Variants in LAMA2 observed in about 807,000 individuals in gnomAD.
LAMA2 encodes laminin subunit alpha-2.
A neutral mutation model predicts 364.8 loss-of-function variants in LAMA2; 269 were observed. The observed-to-expected ratio is 0.74, with a 90% CI of 0.67 to 0.82. The LOEUF (loss-of-function observed/expected upper bound fraction) is 0.82, where lower values mean the gene tolerates loss of function less well. Ranked by LOEUF, LAMA2 falls within the 40% of genes least tolerant of loss-of-function variation. The probability of loss-of-function intolerance (pLI) is 0.00; values close to 1 mark genes in which losing one functional copy is unlikely to be tolerated. For synonymous variants in LAMA2, 1,379 were observed against 1,370.6 expected (o/e 1.01, Z -0.14); for missense variants, 3,807 against 3,873.2 (o/e 0.98, Z 0.45).
intron 15 of LAMA2, among the ~76,000 whole-genome samples, chr6:129,263,419 A>G (rs933893724): frequency 2.6e-5 from 4 of 152,156 alleles, no homozygotes; most frequent in African/African-American, 7.2e-5. Flanking sequence ...TCTACTTTGT[A>G]AAAGTTTGTC....
At chr6:129,259,204 A>G (rs980762965) in intron 14 of LAMA2, among the ~76,000 whole-genome samples, 1 of 152,130 alleles carries the variant, frequency 6.6e-6, no homozygotes, top group African/African-American at 2.4e-5. Context: ...AAAGCTTACA[A>G]TTTGGATAAA....
At chr6:129,486,663 GAACTTCCTTTGCT>G in intron 56 of LAMA2, 41 bp downstream of exon 56, 1 of 1,584,302 alleles carries the variant, frequency 6.3e-7, no homozygotes, top group African/African-American at 1.3e-5. Context: ...TAACTCAGGT[GAACTTCCTTTGCT>G]AGCATCGGTA....
intron 1 of LAMA2, among the ~76,000 whole-genome samples, chr6:128,997,232 A>T (rs1309032631): frequency 1.3e-5 from 2 of 152,010 alleles, no homozygotes; most frequent in African/African-American, 4.8e-5. Flanking sequence ...ATGTATTCCT[A>T]TGTAACAAAC....
At chr6:129,405,359 A>G (rs1221444776) in intron 40 of LAMA2, among the ~76,000 whole-genome samples, 4 of 152,140 alleles carry the variant, frequency 2.6e-5, no homozygotes, top group African/African-American at 7.2e-5. Flanking sequence ...ATTTTATGAT[A>G]AGGAGGTGTT....
chr6:128,940,476 A>C (rs1330743971), intron 1 of LAMA2, among the ~76,000 whole-genome samples: 1 of 152,200 alleles, frequency 6.6e-6, no homozygotes, highest in South Asian at 2.1e-4. Flanking sequence ...TGTCTGGTAC[A>C]TTGCAGACAT....
intron 1 of LAMA2, among the ~76,000 whole-genome samples, chr6:128,952,640 AAG>A (rs1169676858): frequency 2.0e-5 from 3 of 152,180 alleles, no homozygotes; most frequent in Non-Finnish European, 4.4e-5. Context: ...GTACAAGTAG[AAG>A]AGTCACACTT....
chr6:129,340,166 G>T (rs772719363), intron 29 of LAMA2, among the ~76,000 whole-genome samples: 8 of 152,138 alleles, frequency 5.3e-5, no homozygotes, highest in Non-Finnish European at 1.0e-4. Context: ...TATGTTTAAT[G>T]GTGAAACCAG....
chr6:129,145,536 GT>G (rs1398330939), intron 5 of LAMA2, among the ~76,000 whole-genome samples: 3 of 151,926 alleles, frequency 2.0e-5, no homozygotes, highest in African/African-American at 7.2e-5. Flanking sequence ...TGAAATTGGA[GT>G]GAAATTTAAT....
chr6:129,452,520 A>T (rs1019669680), intron 45 of LAMA2, among the ~76,000 whole-genome samples: 2 of 152,158 alleles, frequency 1.3e-5, no homozygotes, highest in African/African-American at 4.8e-5. Context: ...CAACTGTAAG[A>T]GTATAGGAGG....
intron 40 of LAMA2, among the ~76,000 whole-genome samples, chr6:129,404,357 T>C (rs1369093096): frequency 3.3e-5 from 5 of 152,138 alleles, no homozygotes; most frequent in Non-Finnish European, 5.9e-5. Flanking sequence ...GGCTATAAAA[T>C]TCACTTTTTA....
At chr6:129,146,328 T>C (rs1416208968) in intron 5 of LAMA2, among the ~76,000 whole-genome samples, 1 of 151,960 alleles carries the variant, frequency 6.6e-6, no homozygotes, top group Non-Finnish European at 1.5e-5. Context: ...AATAGCTGGG[T>C]AGATTAAAAT....
chr6:129,368,476 G>A (rs2114624500), intron 33 of LAMA2, among the ~76,000 whole-genome samples: 1 of 152,352 alleles, frequency 6.6e-6, no homozygotes. Context: ...ATTCAGGGAA[G>A]TGAAGAGTTT....
intron 27 of LAMA2, among the ~76,000 whole-genome samples, chr6:129,316,796 A>C (rs190922411): frequency 3.3e-5 from 5 of 152,334 alleles, no homozygotes; most frequent in Admixed American, 6.5e-5. Context: ...TGGGTCTGAC[A>C]CTTAGGACCA....
At chr6:128,974,488 G>C (rs1782396192) in intron 1 of LAMA2, among the ~76,000 whole-genome samples, 1 of 152,110 alleles carries the variant, frequency 6.6e-6, no homozygotes, top group Non-Finnish European at 1.5e-5. Context: ...TCAGTTAAAG[G>C]TTTTAAGGAG....
intron 32 of LAMA2, among the ~76,000 whole-genome samples, chr6:129,359,746 A>G (rs1413870433): frequency 2.7e-5 from 4 of 150,440 alleles, no homozygotes; most frequent in Non-Finnish European, 5.9e-5. Context: ...AAATTGGTTA[A>G]TAGCTTTCGC....
intron 15 of LAMA2, among the ~76,000 whole-genome samples, chr6:129,265,518 A>G (rs1012153894): frequency 2.0e-5 from 3 of 152,162 alleles, no homozygotes; most frequent in Non-Finnish European, 4.4e-5. Context: ...TTAAAAATGT[A>G]TATTACAGAA....
chr6:129,512,423 C>A lies in LAMA2; in HGVS notation c.8918C>A (p.Thr2973Lys), dbSNP rs145842163. 4.7e-5 allele frequency: 76 copies of A among 1,612,956 alleles called. No homozygotes were observed. The highest frequency in any genetic ancestry group is 4.2e-5 in the Non-Finnish European group (49 of 1,179,142). ...LVEFEFRTTT[T>K]TGVLLGISSQ... is the part of the protein sequence containing the mutation. ...GAATTTGAATTCCGCACAACTACAA[C>A]GACTGGAGTTCTTCTGGGGATCAGT... is the stretch of plus-strand genomic sequence containing the variant. The change falls in exon 63 of 65, where the codon ACG becomes AAG. Residue 2973 changes from threonine to lysine, a missense_variant. Thr to Lys is a moderately conservative substitution (Grantham distance 78). Around this residue, in one of 3 missense-constraint regions of LAMA2, gnomAD observed 3,333 missense variants for 3,345.7 expected, o/e 1.00. Coordinates refer to ENST00000421865, the MANE Select transcript of LAMA2 (RefSeq NM_000426.4).
chr6:129,231,032 A>G (rs913452080), intron 12 of LAMA2, among the ~76,000 whole-genome samples: 3 of 152,116 alleles, frequency 2.0e-5, no homozygotes, highest in Non-Finnish European at 2.9e-5. Context: ...TACACTAAAT[A>G]TCAGTAGCAC....
At chr6:129,429,042 A>T (rs767382658) in intron 41 of LAMA2, among the ~76,000 whole-genome samples, 2 of 152,158 alleles carry the variant, frequency 1.3e-5, no homozygotes, top group Non-Finnish European at 2.9e-5. Context: ...TCATGTTTTC[A>T]GTATTATTTC....
Sources: allele counts gnomAD v4.1 joint callset (sites outside exome capture counted in the v4.1 genomes callset), GRCh38; gene constraint gnomAD v4.1.1; regional missense constraint gnomAD v4.1.1; transcripts MANE v1.5; gene names NCBI Gene and HGNC (gene_info 2026-07-23, HGNC 2026-07-21).